Variants in DRC5 observed in about 807,000 individuals in gnomAD.
DRC5 encodes the protein dynein regulatory complex subunit 5.
chr6:44,283,369 G>A, the DRC5 span, among the ~76,000 whole-genome samples: 1 of 152,164 alleles, frequency 6.6e-6, no homozygotes, highest in Non-Finnish European at 1.5e-5. Context: ...GGAGACAGTG[G>A]GGAGGTGGAG....
At chr6:44,290,059 T>C in the DRC5 span, among the ~76,000 whole-genome samples, 33 of 152,332 alleles carry the variant, frequency 2.2e-4, no homozygotes, top group South Asian at 6.6e-3. Flanking sequence ...GCGGGAAAGA[T>C]ATCTAGGTAT....
the DRC5 span, among the ~76,000 whole-genome samples, chr6:44,288,993 CAAAAAA>C: frequency 7.6e-4 from 25 of 32,826 alleles, no homozygotes; most frequent in South Asian, 6.7e-3. Context: ...GACTCTGTCT[CAAAAAA>C]AAAAAAAAAA....
At chr6:44,285,932 G>A in the DRC5 span, 113 of 1,571,422 alleles carry the variant, frequency 7.2e-5, 2 homozygotes, top group South Asian at 1.3e-3. Flanking sequence ...ATGCTGAGAA[G>A]GGGTGGGGGG....
the DRC5 span, chr6:44,286,280 A>G: frequency 1.9e-6 from 3 of 1,612,926 alleles, no homozygotes; most frequent in African/African-American, 4.0e-5. Context: ...CAGGTCGAGG[A>G]TCACCGCAGG....
At chr6:44,287,101 C>A in the DRC5 span, 1 of 728,580 alleles carries the variant, frequency 1.4e-6, no homozygotes, top group Non-Finnish European at 1.7e-6. Flanking sequence ...TCAGACAGCG[C>A]CCCATCTGGT....
At chr6:44,297,584 G>C in the DRC5 span, 5 of 152,330 alleles carry the variant, frequency 3.3e-5, no homozygotes, top group East Asian at 9.7e-4. Flanking sequence ...AGGGGCTCCC[G>C]GGCCCAGCCG....
the DRC5 span, among the ~76,000 whole-genome samples, chr6:44,284,905 C>T: frequency 6.6e-6 from 1 of 152,336 alleles, no homozygotes; most frequent in South Asian, 2.1e-4. Context: ...GTGACATTTT[C>T]ACATGTGAAA....
chr6:44,291,707 C>A, the DRC5 span, among the ~76,000 whole-genome samples: 1 of 152,336 alleles, frequency 6.6e-6, no homozygotes, highest in African/African-American at 2.4e-5. Context: ...GGTGGGGTTT[C>A]CCAGCTGTGA....
chr6:44,286,634 G>T, the DRC5 span: 1 of 1,023,808 alleles, frequency 9.8e-7, no homozygotes, highest in African/African-American at 1.6e-5. Context: ...GCAAAGGAGA[G>T]ACCCTTCCCT....
chr6:44,286,215 G>T, the DRC5 span: 2 of 1,611,776 alleles, frequency 1.2e-6, no homozygotes. Context: ...AGCTGCACCG[G>T]CGGAAGGAAC....
At chr6:44,284,084 C>T in the DRC5 span, among the ~76,000 whole-genome samples, 1 of 152,116 alleles carries the variant, frequency 6.6e-6, no homozygotes, top group Non-Finnish European at 1.5e-5. Flanking sequence ...TACCTTTTCC[C>T]CTTCGCAGCC....
At chr6:44,282,621 GA>G in the DRC5 span, 1 of 1,474,924 alleles carries the variant, frequency 6.8e-7, no homozygotes, top group South Asian at 1.3e-5. Context: ...TGCCCACCTA[GA>G]TCTTTGGCAA....
At chr6:44,291,343 T>G in the DRC5 span, among the ~76,000 whole-genome samples, 1 of 152,254 alleles carries the variant, frequency 6.6e-6, no homozygotes, top group Non-Finnish European at 1.5e-5. Flanking sequence ...AAGGAGGATT[T>G]TAGTTCTAAG....
chr6:44,290,602 G>A, the DRC5 span, among the ~76,000 whole-genome samples: 1 of 152,314 alleles, frequency 6.6e-6, no homozygotes, highest in East Asian at 1.9e-4. Flanking sequence ...AGGCAAAGGA[G>A]GAAGGTCAGA....
the DRC5 span, chr6:44,286,239 C>T: frequency 6.2e-7 from 1 of 1,612,512 alleles, no homozygotes; most frequent in Non-Finnish European, 8.5e-7. Flanking sequence ...TCGACGTGGA[C>T]CCTGCGCACG....
chr6:44,281,442 G>A, the DRC5 span, among the ~76,000 whole-genome samples: 4 of 152,038 alleles, frequency 2.6e-5, no homozygotes, highest in Non-Finnish European at 5.9e-5. Context: ...TGGAGTGCAG[G>A]GGCACGATCT....
chr6:44,287,594 G>A, the DRC5 span: 1 of 1,613,942 alleles, frequency 6.2e-7, no homozygotes, highest in Non-Finnish European at 8.5e-7. Context: ...TCTGTGAGGA[G>A]GGGCACGATG....
At chr6:44,289,413 C>T in the DRC5 span, among the ~76,000 whole-genome samples, 17 of 152,036 alleles carry the variant, frequency 1.1e-4, no homozygotes, top group East Asian at 7.7e-4. Flanking sequence ...ATTATTAATG[C>T]GACATTTTAT....
chr6:44,281,042 C>T, the DRC5 span, among the ~76,000 whole-genome samples: 16 of 152,096 alleles, frequency 1.1e-4, no homozygotes, highest in East Asian at 1.9e-4. Flanking sequence ...TGTGTGTGCG[C>T]GCATGCACGT....
Sources: allele counts gnomAD v4.1 joint callset (sites outside exome capture counted in the v4.1 genomes callset), GRCh38; gene constraint gnomAD v4.1.1; transcripts MANE v1.5; gene names NCBI Gene and HGNC (gene_info 2026-07-23, HGNC 2026-07-21).